The following PEAK1 variants were observed in gnomAD, a reference collection of about 807,000 sequenced individuals.
The protein encoded by PEAK1 is pseudopodium enriched atypical kinase 1.
PEAK1 carries 54 observed loss-of-function variants against 124.7 expected under a neutral mutation model. That is an observed-to-expected ratio of 0.43 (90% CI 0.35 to 0.54). PEAK1 has a LOEUF of 0.54. Ranked by LOEUF, PEAK1 falls within the 20% of genes least tolerant of loss-of-function variation. PEAK1 has a pLI of 0.01. For synonymous variants in PEAK1, 719 were observed against 760.0 expected (o/e 0.95, Z 0.89); for missense variants, 2,046 against 2,134.5 (o/e 0.96, Z 0.82).
intron 6 of PEAK1, among the ~76,000 whole-genome samples, chr15:77,220,714 G>A (rs1035521970): frequency 6.6e-6 from 1 of 151,964 alleles, no homozygotes; most frequent in Non-Finnish European, 1.5e-5. Flanking sequence ...GCAATGATAT[G>A]TTCAATGATT....
At chr15:77,276,198 T>C (rs1261010999) in intron 5 of PEAK1, among the ~76,000 whole-genome samples, 1 of 152,030 alleles carries the variant, frequency 6.6e-6, no homozygotes, top group African/African-American at 2.4e-5. Flanking sequence ...AAATATGAAC[T>C]GAAAAGTTCT....
At chr15:77,381,392 C>CTGAA in intron 1 of PEAK1, 1 of 840,248 alleles carries the variant, frequency 1.2e-6, no homozygotes, top group Non-Finnish European at 1.4e-6. Flanking sequence ...AGCCACTGCA[C>CTGAA]TTCAGTTTGG....
Position 77,216,370 on chromosome 15 carries a change from G to A in PEAK1, c.-114-34330C>T, listed in dbSNP as rs1036702722. On this transcript the variant is annotated intron_variant, in intron 6 of 9. Coordinates refer to ENST00000682557, the MANE Select transcript of PEAK1 (RefSeq NM_001385026.1). ...CTAAGTTGTGATAGCATGTCTGAAT[G>A]GGATCTAGTTTAAGGTGTTAAGAAG... 2.0e-4 allele frequency among the ~76,000 whole-genome samples: 31 copies of A among 152,190 alleles called. 1 individual carries two copies. Among genetic ancestry groups the A allele is most frequent in the African/African-American group, 6.8e-4 (28 of 41,434 alleles).
rs548655854 is a variant in PEAK1, at chr15:77,308,497, T to C, written c.-602-21993A>G. 1.3e-4 allele frequency among the ~76,000 whole-genome samples: 20 copies of C among 152,186 alleles called. 1 individual carries two copies. The South Asian group carries it at 3.9e-3, about 30-fold the overall frequency. On this transcript the variant is annotated intron_variant, in intron 2 of 9. Coordinates refer to ENST00000682557, the MANE Select transcript of PEAK1 (RefSeq NM_001385026.1). Reference sequence around the variant, plus strand: ...AAGTCCCTTCTGATCACATTCCAGTTAATAAATTTCAGTTATGTATGCTTC... The same window carrying C: ...AAGTCCCTTCTGATCACATTCCAGTCAATAAATTTCAGTTATGTATGCTTC...
chr15:77,287,550 A>G (rs1260626175), intron 2 of PEAK1, among the ~76,000 whole-genome samples: 5 of 152,108 alleles, frequency 3.3e-5, no homozygotes, highest in African/African-American at 1.2e-4. Context: ...CTTCCTTCCC[A>G]GTTTCCTTTT....
At chr15:77,403,262 C>G in intron 1 of PEAK1, 1 of 985,086 alleles carries the variant, frequency 1.0e-6, no homozygotes, top group African/African-American at 1.7e-5. Flanking sequence ...ATACCAACAA[C>G]AAGATTTCAA....
At chr15:77,239,204 G>A (rs984931814) in intron 6 of PEAK1, among the ~76,000 whole-genome samples, 2 of 152,158 alleles carry the variant, frequency 1.3e-5, no homozygotes, top group Non-Finnish European at 2.9e-5. Flanking sequence ...GGGAAAATGT[G>A]CTTTTTTACT....
In PEAK1 at chr15:77,158,519, T is replaced by C; in HGVS notation, c.3315A>G (p.Ala1105=). The C allele has an allele frequency of 2.5e-6, 4 of 1,614,134 alleles. No homozygotes were observed. Among genetic ancestry groups the C allele is most frequent in the Non-Finnish European group, 2.5e-6 (3 of 1,179,938 alleles). ...SDPMDPNPCS[A]TYSNLGQSRA... is the part of the protein sequence containing the mutation. ...TGCACTTACCTAAGTTGCTGTATGT[T>C]GCACTACAAGGGTTCGGGTCCATAG... The change falls in exon 8 of 10, where the codon GCA becomes GCG. Residue 1105 remains alanine, a synonymous_variant. Coordinates refer to ENST00000682557, the MANE Select transcript of PEAK1 (RefSeq NM_001385026.1).
At chr15:77,250,666 C>T (rs1312610107) in intron 6 of PEAK1, among the ~76,000 whole-genome samples, 1 of 152,130 alleles carries the variant, frequency 6.6e-6, no homozygotes, top group African/African-American at 2.4e-5. Context: ...ATCTCCTGAC[C>T]TTGTGATCTG....
intron 8 of PEAK1, among the ~76,000 whole-genome samples, chr15:77,146,881 T>G (rs754950587): frequency 6.6e-6 from 1 of 152,210 alleles, no homozygotes; most frequent in Non-Finnish European, 1.5e-5. Flanking sequence ...ATTCTATAAT[T>G]ACAACATCAA....
intron 2 of PEAK1, among the ~76,000 whole-genome samples, chr15:77,315,624 T>A (rs1174724822): frequency 1.3e-5 from 2 of 148,908 alleles, no homozygotes; most frequent in South Asian, 2.1e-4. Flanking sequence ...GTAAAAAAAA[T>A]AAAAATAAAA....
chr15:77,180,921 T>C lies in PEAK1; in HGVS notation c.1006A>G (p.Met336Val). 2 of 1,614,134 alleles carry C rather than the reference T, an allele frequency of 1.2e-6. No individual in the cohort carries two copies. Among genetic ancestry groups the C allele is most frequent in the East Asian group, 2.2e-5 (1 of 44,866 alleles). The change falls in exon 7 of 10, where the codon ATG (methionine) becomes GTG (valine). Residue 336 changes from methionine to valine, a missense_variant. By Grantham distance (21) the Met-to-Val change is conservative. Transcript: ENST00000682557. ...GGTGATGTGGAGTCAGATGACACCATGCTCTGAATGCTTCCTTGTCCATAA... is the reference window on the plus strand; with the variant it reads ...GGTGATGTGGAGTCAGATGACACCACGCTCTGAATGCTTCCTTGTCCATAA... ...VSYGQGSIQS[M>V]VSSDSTSPDS...
At chr15:77,291,235 A>G (rs546555889) in intron 2 of PEAK1, among the ~76,000 whole-genome samples, 1 of 152,320 alleles carries the variant, frequency 6.6e-6, no homozygotes, top group East Asian at 1.9e-4. Context: ...TCTCATTCTC[A>G]CATAATACCT....
intron 2 of PEAK1, among the ~76,000 whole-genome samples, chr15:77,338,843 A>G (rs1280286790): frequency 2.6e-5 from 4 of 151,938 alleles, no homozygotes. Context: ...GATAAAATTA[A>G]CACTTATAGT....
intron 7 of PEAK1, among the ~76,000 whole-genome samples, chr15:77,164,478 T>A (rs2055927276): frequency 6.6e-6 from 1 of 152,184 alleles, no homozygotes; most frequent in South Asian, 2.1e-4. Context: ...ATTGTACAGA[T>A]CCACTTTTTT....
intron 2 of PEAK1, chr15:77,348,857 G>A (rs1567291835): frequency 2.1e-6 from 2 of 941,094 alleles, no homozygotes; most frequent in Non-Finnish European, 2.5e-6. Context: ...GCTCAGGCTG[G>A]TCTTGAACTC....
intron 2 of PEAK1, among the ~76,000 whole-genome samples, chr15:77,286,983 A>G (rs578114497): frequency 6.6e-6 from 1 of 152,314 alleles, no homozygotes; most frequent in African/African-American, 2.4e-5. Context: ...CATATGCATC[A>G]TATCTTGCAT....
chr15:77,348,924 G>A, intron 2 of PEAK1: 2 of 949,786 alleles, frequency 2.1e-6, no homozygotes, highest in Non-Finnish European at 2.5e-6. Flanking sequence ...TTATAGGCAT[G>A]ACTTACCATG....
At chr15:77,295,985 G>T (rs1034222241) in intron 2 of PEAK1, among the ~76,000 whole-genome samples, 6 of 152,154 alleles carry the variant, frequency 3.9e-5, no homozygotes, top group Admixed American at 1.3e-4. Flanking sequence ...AAAATTAAAA[G>T]ATGTAAGTGG....
Sources: gnomAD v4.1 joint callset for allele counts (sites outside exome capture counted in the v4.1 genomes callset) on GRCh38, gnomAD v4.1.1 for gene constraint, MANE v1.5 for transcripts, NCBI Gene and HGNC (gene_info 2026-07-23, HGNC 2026-07-21) for gene names.